NSMCE2: variants seen among roughly 807,000 people sequenced by gnomAD.
The protein encoded by NSMCE2 is NSE2 SUMO ligase component of SMC5/6 complex, also known as E3 SUMO-protein ligase NSE2.
NSMCE2 carries 24 observed loss-of-function variants against 23.8 expected under a neutral mutation model. That is an observed-to-expected ratio of 1.01 (90% CI 0.73 to 1.42). The LOEUF (loss-of-function observed/expected upper bound fraction) is 1.42, where lower values mean the gene tolerates loss of function less well. NSMCE2 is among the 40% of genes most tolerant of loss of function. The pLI is 0.00. For synonymous variants in NSMCE2, 92 were observed against 94.1 expected (o/e 0.98, Z 0.13); for missense variants, 284 against 296.5 (o/e 0.96, Z 0.31).
intron 5 of NSMCE2, among the ~76,000 whole-genome samples, chr8:125,350,693 T>A (rs2131349975): frequency 6.6e-6 from 1 of 152,218 alleles, no homozygotes; most frequent in South Asian, 2.1e-4. Context: ...AACCATCAGA[T>A]CTTGTGAGAC....
chr8:125,112,173 T>G (rs1036336097), intron 3 of NSMCE2, among the ~76,000 whole-genome samples: 1 of 152,244 alleles, frequency 6.6e-6, no homozygotes, highest in Non-Finnish European at 1.5e-5. Context: ...AATAGCATTA[T>G]AACTTAAATT....
At chr8:125,184,933 A>C (rs181116737) in intron 5 of NSMCE2, among the ~76,000 whole-genome samples, 2 of 152,302 alleles carry the variant, frequency 1.3e-5, no homozygotes, top group Middle Eastern at 3.4e-3. Context: ...AATAGAGGCC[A>C]GAGAGAGAGA....
chr8:125,279,647 C>G (rs908776678), intron 5 of NSMCE2, among the ~76,000 whole-genome samples: 1 of 152,124 alleles, frequency 6.6e-6, no homozygotes, highest in Admixed American at 6.5e-5. Flanking sequence ...TGATTTTTCT[C>G]TTTTTTGAAT....
At chr8:125,245,833 C>T (rs1185579362) in intron 5 of NSMCE2, among the ~76,000 whole-genome samples, 2 of 152,194 alleles carry the variant, frequency 1.3e-5, no homozygotes, top group East Asian at 3.9e-4. Context: ...AGGAATCAGC[C>T]TGGCCAACAT....
intron 5 of NSMCE2, among the ~76,000 whole-genome samples, chr8:125,330,594 T>C (rs1829839437): frequency 6.6e-6 from 1 of 152,204 alleles, no homozygotes; most frequent in Admixed American, 6.5e-5. Flanking sequence ...CTCTGAGGAA[T>C]GCATGGGCCA....
At chr8:125,235,244 TAAA>T (rs60442484) in intron 5 of NSMCE2, among the ~76,000 whole-genome samples, 2 of 141,520 alleles carry the variant, frequency 1.4e-5, no homozygotes, top group African/African-American at 2.6e-5. Context: ...CCATCTCAAT[TAAA>T]AAAAAAAAAA....
At chr8:125,244,081 G>C (rs76819272) in intron 5 of NSMCE2, among the ~76,000 whole-genome samples, 2,759 of 152,152 alleles carry the variant, frequency 0.018, 85 homozygotes, top group African/African-American at 0.062. Flanking sequence ...GTTGTTAACA[G>C]AGTGGTGTGC....
chr8:125,126,149 A>G (rs1016420401), intron 3 of NSMCE2, among the ~76,000 whole-genome samples: 6 of 152,094 alleles, frequency 3.9e-5, no homozygotes, highest in African/African-American at 1.4e-4. Flanking sequence ...TTGAGAGGCC[A>G]AGGCGGGCAG....
intron 3 of NSMCE2, among the ~76,000 whole-genome samples, chr8:125,116,314 C>T (rs536477596): frequency 6.6e-6 from 1 of 152,222 alleles, no homozygotes; most frequent in Non-Finnish European, 1.5e-5. Flanking sequence ...GGCTCATACA[C>T]TGCTCACCAC....
chr8:125,132,883 A>G (rs1444407007), intron 3 of NSMCE2, among the ~76,000 whole-genome samples: 2 of 152,226 alleles, frequency 1.3e-5, no homozygotes, highest in Admixed American at 6.5e-5. Flanking sequence ...AACATAGAAC[A>G]TGAGATAAGA....
intron 5 of NSMCE2, among the ~76,000 whole-genome samples, chr8:125,289,545 T>C (rs1376694804): frequency 1.3e-5 from 2 of 152,230 alleles, no homozygotes; most frequent in Non-Finnish European, 2.9e-5. Context: ...CCTGTTTCCT[T>C]GTCTGTCTTC....
chr8:125,361,379 T>G (rs1813548125), intron 7 of NSMCE2, among the ~76,000 whole-genome samples: 1 of 152,232 alleles, frequency 6.6e-6, no homozygotes, highest in African/African-American at 2.4e-5. Context: ...CAGTCACTTT[T>G]TTGCTTTTTT....
chr8:125,356,449 C>G (rs900953015), intron 5 of NSMCE2, among the ~76,000 whole-genome samples: 1 of 151,180 alleles, frequency 6.6e-6, no homozygotes, highest in East Asian at 2.0e-4. Context: ...CTGCCCTAGC[C>G]TCCCAAATAG....
At chr8:125,337,204 A>ATAT (rs1830086732) in intron 5 of NSMCE2, among the ~76,000 whole-genome samples, 2 of 152,220 alleles carry the variant, frequency 1.3e-5, no homozygotes, top group African/African-American at 4.8e-5. Flanking sequence ...CACAGTAAGA[A>ATAT]GTCTGTTTCC....
At chr8:125,103,943 C>T (rs1818323354) in intron 3 of NSMCE2, among the ~76,000 whole-genome samples, 2 of 146,536 alleles carry the variant, frequency 1.4e-5, no homozygotes, top group African/African-American at 2.5e-5. Flanking sequence ...TATGTTAATT[C>T]TGTCATCTCT....
chr8:125,325,595 C>T (rs916523151), intron 5 of NSMCE2, among the ~76,000 whole-genome samples: 2 of 152,152 alleles, frequency 1.3e-5, no homozygotes, highest in Non-Finnish European at 2.9e-5. Context: ...AATCTGCCCG[C>T]CTCAGACTAC....
At chr8:125,254,156 T>G (rs1361369426) in intron 5 of NSMCE2, among the ~76,000 whole-genome samples, 1 of 152,230 alleles carries the variant, frequency 6.6e-6, no homozygotes, top group Non-Finnish European at 1.5e-5. Flanking sequence ...TTGACTCCAA[T>G]ATTACATTTA....
intron 4 of NSMCE2, among the ~76,000 whole-genome samples, chr8:125,163,015 T>C (rs1586544433): frequency 6.6e-6 from 1 of 152,320 alleles, no homozygotes; most frequent in East Asian, 1.9e-4. Context: ...CACTTTATTA[T>C]GAAATACTTA....
chr8:125,271,284 C>G (rs1249260785), intron 5 of NSMCE2, among the ~76,000 whole-genome samples: 1 of 150,666 alleles, frequency 6.6e-6, no homozygotes, highest in Non-Finnish European at 1.5e-5. Context: ...AAGTATTACT[C>G]TAGTGATGAG....
Sources: allele counts gnomAD v4.1 joint callset (sites outside exome capture counted in the v4.1 genomes callset), GRCh38; gene constraint gnomAD v4.1.1; transcripts MANE v1.5; gene names NCBI Gene and HGNC (gene_info 2026-07-23, HGNC 2026-07-21).